The following LRP1B variants were observed in gnomAD, a reference collection of about 807,000 sequenced individuals.
LRP1B encodes low-density lipoprotein receptor-related protein 1B.
In LRP1B, 217 loss-of-function variants were observed where a neutral mutation model predicts 556.6. That is an observed-to-expected ratio of 0.39 (90% CI 0.35 to 0.44). LRP1B has a LOEUF of 0.44. Among genes scored for constraint, LRP1B ranks in the 20% least tolerant of loss-of-function variants. The pLI, the probability that LRP1B is intolerant of heterozygous loss-of-function variation, is 1.00. For missense variants in LRP1B, 5,053 were observed against 5,620.8 expected (o/e 0.90, Z 3.23); for synonymous variants, 2,047 against 1,865.8 (o/e 1.10, Z -2.50).
intron 60 of LRP1B, among the ~76,000 whole-genome samples, chr2:140,466,124 C>CTTTTTTTTTTTTTT (rs74381027): frequency 1.6e-5 from 2 of 125,718 alleles, no homozygotes; most frequent in Non-Finnish European, 3.4e-5. Flanking sequence ...TTTCTTTTTT[C>CTTTTTTTTTTTTTT]TTTTTTTTTT....
chr2:140,953,518 T>A (rs2105305484), intron 18 of LRP1B, among the ~76,000 whole-genome samples: 1 of 152,322 alleles, frequency 6.6e-6, no homozygotes, highest in African/African-American at 2.4e-5. Flanking sequence ...AGAGAATATT[T>A]GTAAAATATT....
intron 21 of LRP1B, among the ~76,000 whole-genome samples, chr2:140,912,771 G>T (rs1003405218): frequency 2.5e-4 from 38 of 151,614 alleles, no homozygotes; most frequent in African/African-American, 8.9e-4. Flanking sequence ...CAGAAATTTG[G>T]TTAAACACAA....
intron 41 of LRP1B, among the ~76,000 whole-genome samples, chr2:140,680,624 A>C (rs2105376741): frequency 6.6e-6 from 1 of 152,316 alleles, no homozygotes; most frequent in African/African-American, 2.4e-5. Flanking sequence ...TAATTTTAGT[A>C]GAGCTTAAGA....
At chr2:141,726,481 T>C (rs925722693) in intron 2 of LRP1B, among the ~76,000 whole-genome samples, 3 of 152,052 alleles carry the variant, frequency 2.0e-5, no homozygotes, top group African/African-American at 7.2e-5. Flanking sequence ...AATTTGGAAA[T>C]ACTATTTATT....
intron 1 of LRP1B, among the ~76,000 whole-genome samples, chr2:141,981,821 TTTCTA>T (rs918339824): frequency 2.0e-5 from 3 of 152,092 alleles, no homozygotes; most frequent in African/African-American, 7.2e-5. Flanking sequence ...TTGTCTTTCT[TTTCTA>T]GTCAAGGTAA....
At chr2:141,375,269 A>AT (rs1689385872) in intron 3 of LRP1B, among the ~76,000 whole-genome samples, 1 of 152,122 alleles carries the variant, frequency 6.6e-6, no homozygotes, top group Non-Finnish European at 1.5e-5. Flanking sequence ...TGGTGGCAGC[A>AT]TTTGGCTGAG....
intron 41 of LRP1B, among the ~76,000 whole-genome samples, chr2:140,670,091 G>T (rs753162862): frequency 9.9e-5 from 15 of 152,034 alleles, no homozygotes; most frequent in Non-Finnish European, 1.5e-5. Flanking sequence ...TTTCCCAATG[G>T]GAATTAACAA....
intron 1 of LRP1B, among the ~76,000 whole-genome samples, chr2:141,914,525 A>C (rs1699982692): frequency 6.6e-6 from 1 of 152,220 alleles, no homozygotes; most frequent in Non-Finnish European, 1.5e-5. Context: ...AGAGAAAGAA[A>C]CAAAAGGCAT....
At chr2:141,030,819 A>T (rs192275531) in intron 11 of LRP1B, among the ~76,000 whole-genome samples, 98 of 152,200 alleles carry the variant, frequency 6.4e-4, no homozygotes, top group Non-Finnish European at 1.0e-3. Context: ...AGAAAAAATA[A>T]AAGTTAATGA....
At position 141,663,115 on chromosome 2, in the gene LRP1B, A is replaced by G. The variant is rs551749010; in HGVS notation, c.205+147164T>C. Among the ~76,000 whole-genome samples, 5 of 152,334 alleles carry G rather than the reference A, an allele frequency of 3.3e-5. No homozygotes were observed. The East Asian group carries it at 7.7e-4, about 24-fold the overall frequency. ...GGGTAAATAACGAAATTAAGGCAGA[A>G]ATCAAGTTGTTCTTTGAAACCAATG... is the stretch of plus-strand genomic sequence containing the variant. On this transcript the variant is annotated intron_variant, in intron 2 of 90. Coordinates refer to ENST00000389484, the MANE Select transcript of LRP1B (RefSeq NM_018557.3).
intron 83 of LRP1B, among the ~76,000 whole-genome samples, chr2:140,305,557 G>A (rs74605907): frequency 0.31 from 46,445 of 152,040 alleles, 8,004 homozygotes; most frequent in Non-Finnish European, 0.4. Flanking sequence ...TTTGGGCTGA[G>A]AAAATGGGGT....
At chr2:140,570,092 C>G (rs1315906074) in intron 43 of LRP1B, among the ~76,000 whole-genome samples, 1 of 151,412 alleles carries the variant, frequency 6.6e-6, no homozygotes, top group Admixed American at 6.6e-5. Flanking sequence ...AGAAAGATAT[C>G]AAATTAACAG....
At chr2:140,584,002 T>C (rs1001537744) in intron 43 of LRP1B, among the ~76,000 whole-genome samples, 2 of 152,158 alleles carry the variant, frequency 1.3e-5, no homozygotes, top group African/African-American at 4.8e-5. Flanking sequence ...TGAGTTTTTA[T>C]TGTAAACTAG....
intron 43 of LRP1B, among the ~76,000 whole-genome samples, chr2:140,561,824 T>A (rs1439006527): frequency 6.6e-6 from 1 of 152,108 alleles, no homozygotes; most frequent in East Asian, 1.9e-4. Flanking sequence ...ATTTTATGAC[T>A]ACCAATCTAA....
chr2:141,268,798 A>G (rs961032320), intron 3 of LRP1B, among the ~76,000 whole-genome samples: 2 of 152,158 alleles, frequency 1.3e-5, no homozygotes, highest in Admixed American at 1.3e-4. Context: ...AACAACAGAC[A>G]CAGCCAAAAC....
intron 35 of LRP1B, among the ~76,000 whole-genome samples, chr2:140,748,591 GTATATATATATATATATATATATA>G (rs70988428): frequency 1.4e-5 from 1 of 73,330 alleles, no homozygotes; most frequent in Admixed American, 2.2e-4. Flanking sequence ...TATACAGTGT[GTATATATATATATATATATATATA>G]TATATATATA....
intron 11 of LRP1B, among the ~76,000 whole-genome samples, chr2:141,032,826 C>CATATATATATATATATATATAT (rs71391641): frequency 0.047 from 5,962 of 125,940 alleles, 212 homozygotes; most frequent in South Asian, 0.065. Context: ...TATATACATA[C>CATATATATATATATATATATAT]ATATATATAT....
chr2:140,627,890 CG>C (rs2105268187), intron 41 of LRP1B, among the ~76,000 whole-genome samples: 1 of 149,788 alleles, frequency 6.7e-6, no homozygotes, highest in South Asian at 2.1e-4. Context: ...AAGGATAGAA[CG>C]AAAAAAACTT....
At chr2:140,432,714 A>G (rs567932860) in intron 66 of LRP1B, among the ~76,000 whole-genome samples, 38 of 152,344 alleles carry the variant, frequency 2.5e-4, no homozygotes, top group Non-Finnish European at 5.0e-4. Context: ...CCAGCAACCC[A>G]TCATCTATGG....
Sources: gnomAD v4.1 joint callset for allele counts (sites outside exome capture counted in the v4.1 genomes callset) on GRCh38, gnomAD v4.1.1 for gene constraint, MANE v1.5 for transcripts, NCBI Gene and HGNC (gene_info 2026-07-23, HGNC 2026-07-21) for gene names.